OTUD4: variants seen among roughly 807,000 people sequenced by gnomAD.
OTUD4 encodes OTU deubiquitinase 4, also known as OTU domain-containing protein 4.
Under a neutral mutation model 130.4 loss-of-function variants are expected in OTUD4, and 24 were observed. The observed-to-expected ratio is 0.18, with a 90% CI of 0.13 to 0.26. The LOEUF (loss-of-function observed/expected upper bound fraction) is 0.26, where lower values mean the gene tolerates loss of function less well. Among genes scored for constraint, OTUD4 ranks in the 10% least tolerant of loss-of-function variants. The pLI is 1.00. For missense variants in OTUD4, 1,031 were observed against 1,329.4 expected (o/e 0.78, Z 3.49); for synonymous variants, 420 against 472.5 (o/e 0.89, Z 1.44).
rs150047839 is a variant in OTUD4 at position 145,141,248 on chromosome 4, A to C, written c.2083+131T>G. ...CAAGAATGACTGACTAATAGCTAAAACTTTGCTGTCCTTCCCATCCTTGAG... is the reference window on the plus strand; with the variant it reads ...CAAGAATGACTGACTAATAGCTAAACCTTTGCTGTCCTTCCCATCCTTGAG... On this transcript the variant is annotated intron_variant, in intron 19 of 20. Transcript: ENST00000447906. 912 of 497,698 alleles carry C rather than the reference A, an allele frequency of 1.8e-3. 5 individuals are homozygous for C. The highest frequency in any genetic ancestry group is 0.015 in the African/African-American group (740 of 50,296). The allele number at this position is 497,698 out of a possible 1,614,324, so 30.8% of individuals were successfully genotyped here.
In OTUD4 at chr4:145,150,643, GTGC is replaced by G; in HGVS notation, c.1126_1128del (p.Ala376del). On this transcript the variant is annotated inframe_deletion, in exon 13 of 21. Transcript: ENST00000447906. ...GAAGGATGCTGCAGTCGAGGAGGTA[GTGC>G]TGATGGGGCTTTTATTGGCTTGCTT... 1.2e-6 allele frequency: 2 copies of G among 1,612,192 alleles called. No individual in the cohort carries two copies. The highest frequency in any genetic ancestry group is 1.7e-6 in the Non-Finnish European group (2 of 1,178,338).
intron 7 of OTUD4, among the ~76,000 whole-genome samples, chr4:145,158,014 T>C (rs1323536547): frequency 1.3e-5 from 2 of 152,194 alleles, no homozygotes; most frequent in Non-Finnish European, 2.9e-5. Context: ...TCCCCCATGC[T>C]CAATGACATG....
chr4:145,146,319 C>A lies in OTUD4; in HGVS notation c.1370G>T (p.Arg457Leu), dbSNP rs759518520. ...TCTGTTCTGAATCTCATAGAGTAAA[C>A]GGGATTCTTCTATAGCTTGCTTCTC... The part of the protein sequence containing the change: ...RREKQAIEES[R>L]LLYEIQNRDE... The change falls in exon 14 of 21, where the codon CGT (arginine) becomes CTT (leucine). Residue 457 changes from arginine (R) to leucine (L), a missense_variant. This residue lies in a region of OTUD4 where 900 missense variants were observed against 1,095.9 expected (regional missense o/e 0.82). Coordinates refer to ENST00000447906, the MANE Select transcript of OTUD4 (RefSeq NM_001366057.1). The A allele has an allele frequency of 3.1e-6, 5 of 1,592,990 alleles. No individual in the cohort carries two copies. The East Asian group carries it at 6.9e-5, about 22-fold the overall frequency.
At chr4:145,139,581 A>G (rs1750458287) in intron 20 of OTUD4, among the ~76,000 whole-genome samples, 1 of 152,252 alleles carries the variant, frequency 6.6e-6, no homozygotes, top group Non-Finnish European at 1.5e-5. Flanking sequence ...GAAAAAAGCT[A>G]GGCCCAGATA....
intron 7 of OTUD4, among the ~76,000 whole-genome samples, chr4:145,158,440 C>G (rs752542085): frequency 6.6e-6 from 1 of 151,820 alleles, no homozygotes; most frequent in Non-Finnish European, 1.5e-5. Context: ...CGAGATCGCA[C>G]CACTGCACTC....
chr4:145,139,870 CAG>C (rs1750476094), intron 20 of OTUD4, 79 bp downstream of exon 20: 10 of 477,026 alleles, frequency 2.1e-5, no homozygotes, highest in Non-Finnish European at 3.8e-5. Context: ...TACTGACTGA[CAG>C]GGTAAGAGTT....
intron 19 of OTUD4, among the ~76,000 whole-genome samples, chr4:145,140,593 G>A (rs1257952505): frequency 6.6e-6 from 1 of 151,954 alleles, no homozygotes; most frequent in Non-Finnish European, 1.5e-5. Flanking sequence ...AATAAAGAGG[G>A]AAAGCAAACT....
chr4:145,146,512 A>C (rs1750835273), intron 13 of OTUD4, 83 bp from the exon 14 acceptor site: 6 of 913,486 alleles, frequency 6.6e-6, no homozygotes, highest in East Asian at 3.2e-5. Flanking sequence ...AAAAAAAAAA[A>C]ACACAAAACT....
intron 19 of OTUD4, 93 bp downstream of exon 19, chr4:145,141,286 C>T (rs1750550409): frequency 9.8e-7 from 1 of 1,017,368 alleles, no homozygotes; most frequent in Non-Finnish European, 1.3e-6. Flanking sequence ...TACTAAGAAA[C>T]CAGACCTCTG....
chr4:145,170,530 C>G (rs778524939), intron 3 of OTUD4, among the ~76,000 whole-genome samples: 4 of 152,242 alleles, frequency 2.6e-5, no homozygotes, highest in Non-Finnish European at 4.4e-5. Context: ...TGAATGCCTA[C>G]AGCATCACAG....
intron 13 of OTUD4, among the ~76,000 whole-genome samples, chr4:145,147,069 A>G (rs922842005): frequency 6.6e-6 from 1 of 152,246 alleles, no homozygotes; most frequent in African/African-American, 2.4e-5. Context: ...TTAGTACCCT[A>G]TAATCCAACC....
chr4:145,176,818 A>G (rs1358657922), intron 1 of OTUD4, among the ~76,000 whole-genome samples: 1 of 152,344 alleles, frequency 6.6e-6, no homozygotes, highest in East Asian at 1.9e-4. Context: ...ATCACAACCA[A>G]GGCTCATTTA....
At chr4:145,150,403 G>T in intron 13 of OTUD4, 110 bp downstream of exon 13, 1 of 683,686 alleles carries the variant, frequency 1.5e-6, no homozygotes, top group Non-Finnish European at 2.5e-6. Context: ...CTAATATAGG[G>T]ACAATGATAT....
At position 145,162,729 on chromosome 4, in the gene OTUD4, G is replaced by A. The variant is rs1751641554; in HGVS notation, c.415-8C>T. 1 of 1,453,440 alleles carries A rather than the reference G, an allele frequency of 6.9e-7. No homozygotes were observed. The highest frequency in any genetic ancestry group is 9.5e-7 in the Non-Finnish European group (1 of 1,053,904). 90.0% of individuals were successfully genotyped at this position (1,453,440 alleles called of 1,614,324 possible). A position where few individuals can be genotyped will look rare whatever the true frequency, so the allele number is the denominator to read the frequency against. ...TGAAAAACACAGTAACACCTGAAAG[G>A]GAAAAATAAAAGAAACATTTCAGCC... On this transcript the variant is annotated splice_polypyrimidine_tract_variant and splice_region_variant and intron_variant, in intron 5 of 20. Coordinates refer to ENST00000447906, the MANE Select transcript of OTUD4 (RefSeq NM_001366057.1).
rs1328292749 is a variant in OTUD4 at position 145,138,645 on chromosome 4, G to A, written c.2130C>T (p.Tyr710=). Residue 710 remains tyrosine (Y), a synonymous_variant, in exon 21 of 21, where the codon TAC becomes TAT. Coordinates refer to ENST00000447906, the MANE Select transcript of OTUD4 (RefSeq NM_001366057.1). ...AATGTGGGGCCCACATAGGACAACT[G>A]TATGCCTGAAGAGACAAAAAACAGT... is the stretch of plus-strand genomic sequence containing the variant. The part of the protein sequence containing the change: ...RFFFNLGVKA[Y]SCPMWAPHSY... 10 of 1,603,724 alleles carry A rather than the reference G, an allele frequency of 6.2e-6. No homozygotes were observed. Among genetic ancestry groups the A allele is most frequent in the Non-Finnish European group, 8.5e-6 (10 of 1,176,484 alleles).
intron 1 of OTUD4, 128 bp from the exon 2 acceptor site, chr4:145,174,872 T>C (rs1022136126): frequency 3.2e-6 from 2 of 616,044 alleles, no homozygotes; most frequent in African/African-American, 1.8e-5. Flanking sequence ...TCCCTTTCTA[T>C]AATTTCGATA....
At chr4:145,160,090 A>C (rs559655857) in intron 6 of OTUD4, among the ~76,000 whole-genome samples, 1 of 152,346 alleles carries the variant, frequency 6.6e-6, no homozygotes, top group Non-Finnish European at 1.5e-5. Flanking sequence ...GCCCAATCTT[A>C]AGAGACTTAG....
chr4:145,143,343 T>G (rs1355033048), intron 17 of OTUD4, 22 bp downstream of exon 17: 2 of 1,491,332 alleles, frequency 1.3e-6, no homozygotes, highest in African/African-American at 2.8e-5. Flanking sequence ...GCATTCAATG[T>G]TAAATGCAAC....
Position 145,179,949 on chromosome 4 carries a change from C to T in OTUD4, c.25G>A (p.Asp9Asn), listed in dbSNP as rs1296006337. 6.6e-7 allele frequency: 1 copy of T among 1,521,044 alleles called. No individual in the cohort carries two copies. Among genetic ancestry groups the T allele is most frequent in the East Asian group, 2.5e-5 (1 of 39,232 alleles). The allele number at this position is 1,521,044 out of a possible 1,614,324, so 94.2% of individuals were successfully genotyped here. A position where few individuals can be genotyped will look rare whatever the true frequency, so the allele number is the denominator to read the frequency against. MEAAVGVP[D>N]GGDQGGAGPR... ...CCCGCGCCGCCCTGGTCCCCGCCGT[C>T]GGGGACGCCGACGGCAGCCTCCATG... The change falls in exon 1 of 21, where the codon GAC becomes AAC. Residue 9 changes from aspartate (D) to asparagine (N), a missense_variant. Asp to Asn is a conservative substitution (Grantham distance 23). This residue lies in a region of OTUD4 where 54 missense variants were observed against 60.6 expected (regional missense o/e 0.89). Transcript: ENST00000447906.
Sources: allele counts gnomAD v4.1 joint callset (sites outside exome capture counted in the v4.1 genomes callset), GRCh38; gene constraint gnomAD v4.1.1; regional missense constraint gnomAD v4.1.1; transcripts MANE v1.5; gene names NCBI Gene and HGNC (gene_info 2026-07-23, HGNC 2026-07-21).